Variants in DNLZ observed in about 807,000 individuals in gnomAD.
DNLZ encodes DNL-type zinc finger protein.
A neutral mutation model predicts 7.8 loss-of-function variants in DNLZ; 15 were observed. The observed-to-expected ratio is 1.91, with a 90% CI of 1.28 to 2.95. DNLZ has a LOEUF of 2.95. DNLZ is among the 30% of genes most tolerant of loss of function. The pLI is 0.00. For synonymous variants in DNLZ, 123 were observed against 77.8 expected (o/e 1.58, Z -3.05); for missense variants, 255 against 167.3 (o/e 1.52, Z -2.89).
In DNLZ at chr9:136,361,370, G is replaced by C. The variant is rs560244415; in HGVS notation, c.*642C>G. The stretch of plus-strand genomic sequence containing the variant: ...ACATCCTGCGCACAGACAAGGCTGG[G>C]AGACAAACCCCACACACCTCGGAGG... On this transcript the variant is annotated 3_prime_UTR_variant, in exon 3 of 3. Coordinates refer to ENST00000371738, the MANE Select transcript of DNLZ (RefSeq NM_001080849.3). 1.3e-5 allele frequency: 2 copies of C among 152,336 alleles called. No individual in the cohort carries two copies. Among genetic ancestry groups the C allele is most frequent in the African/African-American group, 4.8e-5 (2 of 41,466 alleles). 9.4% of individuals were successfully genotyped at this position (152,336 alleles called of 1,614,324 possible).
rs1832964786 is a variant in DNLZ at position 136,360,591 on chromosome 9, G to C, written c.*1421C>G. The C allele has an allele frequency of 6.6e-6, 1 of 152,194 alleles. No individual in the cohort carries two copies. Among genetic ancestry groups the C allele is most frequent in the South Asian group, 2.1e-4 (1 of 4,824 alleles). The allele number at this position is 152,194 out of a possible 1,614,324, so 9.4% of individuals were successfully genotyped here. A position where few individuals can be genotyped will look rare whatever the true frequency, so the allele number is the denominator to read the frequency against. Reference sequence around the variant, plus strand: ...GGAGACAGGGTCCAGGGGGCCTCAGGCAGGAGCTGGCGGGATGCTTCTGGC... The same window carrying C: ...GGAGACAGGGTCCAGGGGGCCTCAGCCAGGAGCTGGCGGGATGCTTCTGGC... On this transcript the variant is annotated 3_prime_UTR_variant, in exon 3 of 3. Coordinates refer to ENST00000371738, the MANE Select transcript of DNLZ (RefSeq NM_001080849.3).
chr9:136,363,738 C>T lies in DNLZ; in HGVS notation c.-24G>A. The T allele has an allele frequency of 2.1e-6, 1 of 487,426 alleles. No homozygotes were observed. 30.2% of individuals were successfully genotyped at this position (487,426 alleles called of 1,614,324 possible). The stretch of plus-strand genomic sequence containing the variant: ...ATCCCGCTCGCCGGCTCCGTCCGCC[C>T]TGCCCCGGCCCCGCCCCGCCGCCAT... On this transcript the variant is annotated 5_prime_UTR_variant, in exon 1 of 3. Transcript: ENST00000371738.
rs1381862718 is a variant in DNLZ at position 136,360,214 on chromosome 9, G to A, written c.*1798C>T. The A allele has an allele frequency of 6.6e-6, 1 of 152,316 alleles. No homozygotes were observed. Among genetic ancestry groups the A allele is most frequent in the Non-Finnish European group, 1.5e-5 (1 of 68,104 alleles). The allele number at this position is 152,316 out of a possible 1,614,324, so 9.4% of individuals were successfully genotyped here. A position where few individuals can be genotyped will look rare whatever the true frequency, so the allele number is the denominator to read the frequency against. On this transcript the variant is annotated 3_prime_UTR_variant, in exon 3 of 3. Transcript: ENST00000371738. ...CTCCGTTGCCTCCTCCACCCCAGAA[G>A]GGGCCTTGGGAACCAGAATCAACGT...
chr9:136,362,398 T>TCCTGCC (rs1298570922), intron 2 of DNLZ, among the ~76,000 whole-genome samples: 1 of 152,180 alleles, frequency 6.6e-6, no homozygotes. Context: ...AGTCTCCTGC[T>TCCTGCC]CCTGCCCCCT....
intron 2 of DNLZ, 55 bp from the exon 3 acceptor site, chr9:136,362,235 T>G: frequency 7.1e-7 from 1 of 1,404,960 alleles, no homozygotes. Flanking sequence ...GCCCTGCACT[T>G]CAGTCCCCTC....
Position 136,363,113 on chromosome 9 carries a change from ACCTAG to A in DNLZ, c.239_243del (p.Thr80IlefsTer30), listed in dbSNP as rs1833013565. ...GCCAGCTTGGAGATGCGCTTGGAGG[ACCTAG>A]TCCCGCAGACCTGGCTGGGACAGGG... On this transcript the variant is annotated frameshift_variant, in exon 2 of 3. Transcript: ENST00000371738. LOFTEE classifies it high-confidence loss of function. The A allele has an allele frequency of 6.2e-7, 1 of 1,613,332 alleles. No individual in the cohort carries two copies. Among genetic ancestry groups the A allele is most frequent in the Non-Finnish European group, 8.5e-7 (1 of 1,179,964 alleles).
intron 1 of DNLZ, 87 bp from the exon 2 acceptor site, chr9:136,363,215 A>G: frequency 1.3e-6 from 2 of 1,510,810 alleles, no homozygotes; most frequent in Non-Finnish European, 1.8e-6. Context: ...AGCTCCAGCC[A>G]CCTCACCCTC....
intron 1 of DNLZ, 66 bp from the exon 2 acceptor site, chr9:136,363,194 C>T (rs1250899797): frequency 1.3e-6 from 2 of 1,587,478 alleles, no homozygotes; most frequent in Admixed American, 1.7e-5. Flanking sequence ...AAGACCCGCC[C>T]CTCTAGGGGT....
At chr9:136,362,951 G>A (rs754197144) in intron 2 of DNLZ, 38 bp downstream of exon 2, 3 of 1,606,680 alleles carry the variant, frequency 1.9e-6, no homozygotes, top group African/African-American at 1.3e-5. Flanking sequence ...GGTACTTCTG[G>A]GTGGCCTTCT....
rs751817806 is a variant in DNLZ, at chr9:136,363,067, A to T, written c.290T>A (p.Ile97Asn). ...SKLAYHQGVV[I>N]VTCPGCQNHH... Reference sequence around the variant, plus strand: ...GTTCTGGCAGCCGGGGCAGGTCACAATGACCACGCCTTGGTGATAGGCCAG... The same window carrying T: ...GTTCTGGCAGCCGGGGCAGGTCACATTGACCACGCCTTGGTGATAGGCCAG... The change falls in exon 2 of 3, where the codon ATT (isoleucine) becomes AAT (asparagine). Residue 97 changes from isoleucine (I) to asparagine (N), a missense_variant. Coordinates refer to ENST00000371738, the MANE Select transcript of DNLZ (RefSeq NM_001080849.3). 1 of 1,613,720 alleles carries T rather than the reference A, an allele frequency of 6.2e-7. No homozygotes were observed. Among genetic ancestry groups the T allele is most frequent in the Non-Finnish European group, 8.5e-7 (1 of 1,179,970 alleles).
At position 136,361,722 on chromosome 9, in the gene DNLZ, GCC is replaced by G; in HGVS notation, c.*288_*289del. On this transcript the variant is annotated 3_prime_UTR_variant, in exon 3 of 3. Coordinates refer to ENST00000371738, the MANE Select transcript of DNLZ (RefSeq NM_001080849.3). The stretch of plus-strand genomic sequence containing the variant: ...AGGAAGGGCTCTGACGCCACATCCA[GCC>G]CCCTTTCCACGCGACTGTGGCCTCT... The G allele has an allele frequency of 9.0e-6, 3 of 333,242 alleles. No homozygotes were observed. Among genetic ancestry groups the G allele is most frequent in the East Asian group, 9.1e-5 (2 of 21,990 alleles). The allele number at this position is 333,242 out of a possible 1,614,324, so 20.6% of individuals were successfully genotyped here.
Position 136,362,970 on chromosome 9 carries a change from C to CCACGGG in DNLZ, c.368+18_368+19insCCCGTG, listed in dbSNP as rs1564364364. ...CTTCTGGGTGGCCTTCTGGCCCAGC[C>CCACGGG]CTGGGGTACAGGCCTCACCTCTTCC... On this transcript the variant is annotated intron_variant, in intron 2 of 2. Coordinates refer to ENST00000371738, the MANE Select transcript of DNLZ (RefSeq NM_001080849.3). 6.2e-7 allele frequency: 1 copy of CCACGGG among 1,612,076 alleles called. No individual in the cohort carries two copies. The highest frequency in any genetic ancestry group is 8.5e-7 in the Non-Finnish European group (1 of 1,178,818).
In DNLZ at chr9:136,362,986, C is replaced by G. The variant is rs185565131; in HGVS notation, c.368+3G>C. On this transcript the variant is annotated splice_donor_region_variant and intron_variant, in intron 2 of 2. Transcript: ENST00000371738. ...TGGCCCAGCCCTGGGGTACAGGCCT[C>G]ACCTCTTCCCATTCAGGTCCGAGAA... 3 of 1,613,600 alleles carry G rather than the reference C, an allele frequency of 1.9e-6. No homozygotes were observed. In the African/African-American group the frequency reaches 4.0e-5, roughly 21 times the overall value.
At chr9:136,362,859 C>T (rs1588717018) in intron 2 of DNLZ, 130 bp downstream of exon 2, 3 of 783,436 alleles carry the variant, frequency 3.8e-6, no homozygotes, top group East Asian at 5.1e-5. Context: ...AACTGTGTGT[C>T]TTGTATTGAT....
Position 136,362,039 on chromosome 9 carries a change from G to T in DNLZ, c.510C>A (p.Pro170=). 3.6e-6 allele frequency: 5 copies of T among 1,372,102 alleles called. No individual in the cohort carries two copies. Among genetic ancestry groups the T allele is most frequent in the Non-Finnish European group, 4.7e-6 (5 of 1,052,840 alleles). 85.0% of individuals were successfully genotyped at this position (1,372,102 alleles called of 1,614,324 possible). A position where few individuals can be genotyped will look rare whatever the true frequency, so the allele number is the denominator to read the frequency against. The change falls in exon 3 of 3, where the codon CCC becomes CCA. Residue 170 remains proline, a synonymous_variant. Transcript: ENST00000371738. The stretch of plus-strand genomic sequence containing the variant: ...AGCTCGGCTCCGTCTTGCCAGGGCT[G>T]GGGGGACCCTCATCCTCACCCGCTT... ...APEAGEDEGP[P]SPGKTEPS
At chr9:136,362,438 G>A (rs954480677) in intron 2 of DNLZ, among the ~76,000 whole-genome samples, 11 of 152,208 alleles carry the variant, frequency 7.2e-5, no homozygotes, top group South Asian at 2.1e-4. Context: ...CTGCAGCCCC[G>A]GGTCTGATGG....
At chr9:136,362,661 C>T (rs1200045604) in intron 2 of DNLZ, among the ~76,000 whole-genome samples, 1 of 152,222 alleles carries the variant, frequency 6.6e-6, no homozygotes, top group Non-Finnish European at 1.5e-5. Context: ...GCCAGCCACC[C>T]CAAGATGGCA....
rs1832958479 is a variant in DNLZ, at chr9:136,360,247, A to C, written c.*1765T>G. On this transcript the variant is annotated 3_prime_UTR_variant, in exon 3 of 3. Transcript: ENST00000371738. ...GGGAACCAGAATCAACGTGTACTCC[A>C]GGTCCAGGGTCCCAGCCAGCTTGCG... 6.6e-6 allele frequency: 1 copy of C among 152,302 alleles called. No homozygotes were observed. Among genetic ancestry groups the C allele is most frequent in the African/African-American group, 2.4e-5 (1 of 41,446 alleles). 9.4% of individuals were successfully genotyped at this position (152,302 alleles called of 1,614,324 possible). A position where few individuals can be genotyped will look rare whatever the true frequency, so the allele number is the denominator to read the frequency against.
rs1833011215 is a variant in DNLZ at position 136,363,029 on chromosome 9, C to A, written c.328G>T (p.Ala110Ser). ...CPGCQNHHII[A>S]DNLGWFSDLN... ...TCCGAGAACCAGCCCAGGTTGTCAG[C>A]GATGATATGGTGGTTCTGGCAGCCG... Residue 110 changes from alanine (A) to serine (S), a missense_variant, in exon 2 of 3, where the codon GCT becomes TCT. Ala to Ser is a moderately conservative substitution (Grantham distance 99). Transcript: ENST00000371738. The A allele has an allele frequency of 1.2e-6, 2 of 1,613,696 alleles. No individual in the cohort carries two copies. The highest frequency in any genetic ancestry group is 1.7e-5 in the Admixed American group (1 of 60,002).
Sources: allele counts gnomAD v4.1 joint callset (sites outside exome capture counted in the v4.1 genomes callset), GRCh38; gene constraint gnomAD v4.1.1; transcripts MANE v1.5; gene names NCBI Gene and HGNC (gene_info 2026-07-23, HGNC 2026-07-21).